The following FERMT2 variants were observed in gnomAD, a reference collection of about 807,000 sequenced individuals.
FERMT2 encodes fermitin family homolog 2.
In FERMT2, 15 loss-of-function variants were observed where a neutral mutation model predicts 82.7. The ratio of observed to expected loss-of-function variants is 0.18; its 90% CI spans 0.12 to 0.28. The LOEUF (loss-of-function observed/expected upper bound fraction) is 0.28. FERMT2 is among the 10% of genes least tolerant of loss of function. The pLI, the probability that FERMT2 is intolerant of heterozygous loss-of-function variation, is 1.00. For missense variants in FERMT2, 645 were observed against 809.4 expected (o/e 0.80, Z 2.46); for synonymous variants, 274 against 271.5 (o/e 1.01, Z -0.09).
chr14:52,881,965 A>G, intron 4 of FERMT2: 1 of 320,164 alleles, frequency 3.1e-6, no homozygotes, highest in Non-Finnish European at 5.9e-6. Context: ...TGAAGTACAC[A>G]TTTCAAGTGG....
At position 52,858,380 on chromosome 14, in the gene FERMT2, C is replaced by A. The variant is rs1287203064; in HGVS notation, c.2040G>T (p.Val680=). The A allele has an allele frequency of 1.9e-6, 3 of 1,613,402 alleles. No individual in the cohort carries two copies. The highest frequency in any genetic ancestry group is 3.3e-5 in the Admixed American group (2 of 60,000). ...TTTCATTAAACAGTATTCCTATTCACACCCAACCACTGGTAAGTTTGTAGA... is the reference window on the plus strand; with the variant it reads ...TTTCATTAAACAGTATTCCTATTCAAACCCAACCACTGGTAAGTTTGTAGA... ...EMFYKLTSGW[V] Residue 680 remains valine (V), a synonymous_variant, in exon 15 of 15, where the codon GTG becomes GTT. Coordinates refer to ENST00000341590, the MANE Select transcript of FERMT2 (RefSeq NM_006832.3).
At chr14:52,904,815 T>G (rs1887899754) in intron 3 of FERMT2, among the ~76,000 whole-genome samples, 1 of 145,704 alleles carries the variant, frequency 6.9e-6, no homozygotes, top group African/African-American at 2.5e-5. Flanking sequence ...ACATTTTGGC[T>G]CAGGAAGTAA....
At chr14:52,859,302 T>C (rs1273021548) in intron 14 of FERMT2, 3 of 309,682 alleles carry the variant, frequency 9.7e-6, no homozygotes, top group Non-Finnish European at 1.8e-5. Flanking sequence ...CAACAAACAG[T>C]AGCTGCTATT....
At chr14:52,934,440 G>C (rs1889743138) in intron 2 of FERMT2, among the ~76,000 whole-genome samples, 1 of 152,188 alleles carries the variant, frequency 6.6e-6, no homozygotes, top group Non-Finnish European at 1.5e-5. Context: ...TTATGATGTG[G>C]AGCAAGTATC....
At chr14:52,910,223 A>C (rs1888239507) in intron 3 of FERMT2, among the ~76,000 whole-genome samples, 1 of 152,208 alleles carries the variant, frequency 6.6e-6, no homozygotes, top group Non-Finnish European at 1.5e-5. Flanking sequence ...GTTCTGTTCC[A>C]CTAGCATTTT....
At chr14:52,941,036 C>T (rs749431524) in intron 2 of FERMT2, among the ~76,000 whole-genome samples, 6 of 152,160 alleles carry the variant, frequency 3.9e-5, no homozygotes, top group Non-Finnish European at 7.3e-5. Context: ...TTTACAGCAG[C>T]CTTATTCATC....
At position 52,881,440 on chromosome 14, in the gene FERMT2, T is replaced by C; in HGVS notation, c.556A>G (p.Ser186Gly). The change falls in exon 5 of 15, where the codon AGT becomes GGT. Residue 186 changes from serine (S) to glycine (G), a missense_variant. By Grantham distance (56) the Ser-to-Gly change is moderately conservative. Transcript: ENST00000341590. ...GSIYSSPGLYSKTMTPTYDAH... is the reference protein window; with the variant it reads ...GSIYSSPGLYGKTMTPTYDAH... ...TCATAAGTGGGGGTCATTGTTTTAC[T>C]ATACAGTCCTGGGCTTGAATATATA... 1 of 1,613,842 alleles carries C rather than the reference T, an allele frequency of 6.2e-7. No individual in the cohort carries two copies. Among genetic ancestry groups the C allele is most frequent in the South Asian group, 1.1e-5 (1 of 91,074 alleles).
chr14:52,898,463 GA>G (rs143387914), intron 3 of FERMT2, among the ~76,000 whole-genome samples: 1,552 of 152,292 alleles, frequency 0.01, 28 homozygotes, highest in African/African-American at 0.035. Context: ...CAGAAACTCA[GA>G]AGTGATTTCA....
At chr14:52,876,356 A>G (rs112228322) in intron 7 of FERMT2, among the ~76,000 whole-genome samples, 4,675 of 152,282 alleles carry the variant, frequency 0.031, 219 homozygotes, top group African/African-American at 0.11. Flanking sequence ...TGAGGCCCTC[A>G]GGTCCCAAAT....
At chr14:52,885,312 C>CAAAAAAAA (rs1181582996) in intron 4 of FERMT2, among the ~76,000 whole-genome samples, 2 of 61,068 alleles carry the variant, frequency 3.3e-5, no homozygotes, top group Non-Finnish European at 5.6e-5. Flanking sequence ...GACTTAGTCT[C>CAAAAAAAA]AAAAAAAAAA....
chr14:52,858,686 C>CCTG, intron 14 of FERMT2, 136 bp from the exon 15 acceptor site: 1 of 733,330 alleles, frequency 1.4e-6, no homozygotes, highest in Non-Finnish European at 2.2e-6. Flanking sequence ...TGTCTAAAAC[C>CCTG]TAAACGAATA....
At chr14:52,937,438 C>T (rs1298327689) in intron 2 of FERMT2, among the ~76,000 whole-genome samples, 1 of 152,150 alleles carries the variant, frequency 6.6e-6, no homozygotes, top group African/African-American at 2.4e-5. Context: ...AATCCCCAAC[C>T]TGGAATGCCT....
At chr14:52,869,701 A>C (rs1885501735) in intron 10 of FERMT2, among the ~76,000 whole-genome samples, 1 of 152,210 alleles carries the variant, frequency 6.6e-6, no homozygotes, top group Admixed American at 6.5e-5. Flanking sequence ...TATTCTTTTC[A>C]TCATTATTTT....
intron 2 of FERMT2, among the ~76,000 whole-genome samples, chr14:52,927,782 A>T (rs980265140): frequency 2.6e-5 from 4 of 151,822 alleles, no homozygotes; most frequent in Non-Finnish European, 4.4e-5. Flanking sequence ...CCACACATCC[A>T]TGGATATGCC....
intron 4 of FERMT2, among the ~76,000 whole-genome samples, chr14:52,886,386 C>T (rs1886610767): frequency 6.6e-6 from 1 of 151,980 alleles, no homozygotes. Flanking sequence ...GTTGCCCAGG[C>T]TGGAATGCAG....
chr14:52,858,334 A>C lies in FERMT2; in HGVS notation c.*43T>G. The C allele has an allele frequency of 6.5e-7, 1 of 1,535,118 alleles. No individual in the cohort carries two copies. The highest frequency in any genetic ancestry group is 9.0e-7 in the Non-Finnish European group (1 of 1,112,110). On this transcript the variant is annotated 3_prime_UTR_variant, in exon 15 of 15. Transcript: ENST00000341590. ...ATATAACAAACAGCTTTTAAAGTTA[A>C]ATATTGTTATGGCCGTGGAGTTTCA...
intron 3 of FERMT2, among the ~76,000 whole-genome samples, chr14:52,906,931 AG>A: frequency 9.7e-6 from 1 of 102,874 alleles, no homozygotes; most frequent in Middle Eastern, 7.7e-3. Flanking sequence ...AAGACAACTG[AG>A]GGACATCAAT....
chr14:52,878,181 G>A (rs1055797905), intron 7 of FERMT2, among the ~76,000 whole-genome samples: 3 of 152,092 alleles, frequency 2.0e-5, no homozygotes, highest in African/African-American at 7.2e-5. Context: ...TTTATAGTGT[G>A]TTGTATCATC....
chr14:52,904,287 T>C (rs1887851397), intron 3 of FERMT2, among the ~76,000 whole-genome samples: 1 of 152,128 alleles, frequency 6.6e-6, no homozygotes, highest in African/African-American at 2.4e-5. Context: ...GAGGCCAAGG[T>C]GGGCGGATCA....
Sources: allele counts gnomAD v4.1 joint callset (sites outside exome capture counted in the v4.1 genomes callset), GRCh38; gene constraint gnomAD v4.1.1; transcripts MANE v1.5; gene names NCBI Gene and HGNC (gene_info 2026-07-23, HGNC 2026-07-21).